Variants in SUGP2 observed in about 807,000 individuals in gnomAD.
SUGP2 encodes SURP and G-patch domain containing 2.
A neutral mutation model predicts 90.5 loss-of-function variants in SUGP2; 24 were observed. The ratio of observed to expected loss-of-function variants is 0.27; its 90% CI spans 0.19 to 0.37. SUGP2 has a LOEUF of 0.37. Ranked by LOEUF, SUGP2 falls within the 10% of genes least tolerant of loss-of-function variation. The pLI is 1.00. For missense variants in SUGP2, 1,233 were observed against 1,363.3 expected (o/e 0.90, Z 1.51); for synonymous variants, 473 against 513.4 (o/e 0.92, Z 1.06).
Position 19,026,196 on chromosome 19 carries a change from G to C in SUGP2, c.152C>G (p.Ala51Gly). 1.9e-6 allele frequency: 3 copies of C among 1,606,060 alleles called. No homozygotes were observed. Among genetic ancestry groups the C allele is most frequent in the Non-Finnish European group, 2.5e-6 (3 of 1,176,536 alleles). The stretch of plus-strand genomic sequence containing the variant: ...GCTGTGGACGTCATCATACATCTCT[G>C]CTCTGGATCTTGGGACTGCCCTTAA... The part of the protein sequence containing the change: ...DLLRAVPRSR[A>G]EMYDDVHSDG... Residue 51 changes from alanine (A) to glycine (G), a missense_variant, in exon 3 of 11, where the codon GCA becomes GGA. By Grantham distance (60) the Ala-to-Gly change is moderately conservative. This residue lies in a region of SUGP2 where 418 missense variants were observed against 399.9 expected (regional missense o/e 1.05). Transcript: ENST00000452918.
rs2059276002 is a variant in SUGP2 at position 19,033,457 on chromosome 19, AGCCACCCCCGCC to A, written c.-44_-33del. Reference sequence around the variant, plus strand: ...CTCACCCCGAGACCACCGCGCGCGGAGCCACCCCCGCCGCCGCCTCAGGCTCCTCACCCGCCG... The same window carrying A: ...CTCACCCCGAGACCACCGCGCGCGGAGCCGCCTCAGGCTCCTCACCCGCCG... On this transcript the variant is annotated 5_prime_UTR_variant, in exon 1 of 11. Coordinates refer to ENST00000452918, the MANE Select transcript of SUGP2 (RefSeq NM_001017392.5). The A allele has an allele frequency of 7.2e-7, 1 of 1,397,208 alleles. No homozygotes were observed. Among genetic ancestry groups the A allele is most frequent in the South Asian group, 1.4e-5 (1 of 73,700 alleles). The allele number at this position is 1,397,208 out of a possible 1,614,324, so 86.6% of individuals were successfully genotyped here.
rs753804470 is a variant in SUGP2, at chr19:19,010,041, G to A, written c.2152C>T (p.Pro718Ser). ...GATGGTTTTGCCTGTGAGAGGCCTGGAGCCTGCCGGCCGTGGTGTTTCAGC... is the reference window on the plus strand; with the variant it reads ...GATGGTTTTGCCTGTGAGAGGCCTGAAGCCTGCCGGCCGTGGTGTTTCAGC... ...TRLKHHGRQAPGLSQAKPSLP... is the reference protein window; with the variant it reads ...TRLKHHGRQASGLSQAKPSLP... Residue 718 changes from proline (P) to serine (S), a missense_variant, in exon 5 of 11, where the codon CCA becomes TCA. Transcript: ENST00000452918. The A allele has an allele frequency of 6.2e-7, 1 of 1,614,060 alleles. No homozygotes were observed. Among genetic ancestry groups the A allele is most frequent in the East Asian group, 2.2e-5 (1 of 44,852 alleles).
At chr19:19,001,324 A>C (rs909646311) in intron 8 of SUGP2, among the ~76,000 whole-genome samples, 1 of 152,054 alleles carries the variant, frequency 6.6e-6, no homozygotes, top group African/African-American at 2.4e-5. Context: ...CCTAGCTTGA[A>C]CTTCTTAAGG....
intron 8 of SUGP2, among the ~76,000 whole-genome samples, chr19:18,996,639 G>A (rs149163990): frequency 0.01 from 1,583 of 152,042 alleles, 31 homozygotes; most frequent in African/African-American, 0.036. Flanking sequence ...TGTAACCTCC[G>A]CCTCCTGGGT....
At chr19:19,020,357 G>A (rs950334226) in intron 3 of SUGP2, among the ~76,000 whole-genome samples, 14 of 150,910 alleles carry the variant, frequency 9.3e-5, no homozygotes, top group African/African-American at 2.4e-4. Flanking sequence ...GCGTGAACCC[G>A]GGAGGTGGAG....
chr19:19,002,505 G>GTTTTTTTTTTT (rs58282570), intron 7 of SUGP2, among the ~76,000 whole-genome samples: 3 of 61,102 alleles, frequency 4.9e-5, no homozygotes, highest in Admixed American at 2.6e-4. Context: ...TAGCAAGTCT[G>GTTTTTTTTTTT]TTTTTTTTTT....
At chr19:19,023,497 A>C (rs899569321) in intron 3 of SUGP2, among the ~76,000 whole-genome samples, 1 of 152,038 alleles carries the variant, frequency 6.6e-6, no homozygotes, top group Non-Finnish European at 1.5e-5. Context: ...CTGGCTCACA[A>C]GTGACTGGTC....
At chr19:19,004,688 T>G (rs757658873) in intron 6 of SUGP2, 42 bp from the exon 7 acceptor site, 4 of 1,468,726 alleles carry the variant, frequency 2.7e-6, no homozygotes, top group Non-Finnish European at 3.7e-6. Flanking sequence ...AGATGGAATC[T>G]CTCAACATTT....
At chr19:18,998,593 T>A (rs1478404584) in intron 8 of SUGP2, among the ~76,000 whole-genome samples, 1 of 145,916 alleles carries the variant, frequency 6.9e-6, no homozygotes, top group East Asian at 1.9e-4. Flanking sequence ...TGTGTATGCA[T>A]GTGTGTGTGC....
At chr19:19,003,934 A>G (rs1265162255) in intron 7 of SUGP2, among the ~76,000 whole-genome samples, 1 of 152,234 alleles carries the variant, frequency 6.6e-6, no homozygotes, top group Non-Finnish European at 1.5e-5. Context: ...GAATCCAGGC[A>G]ATCAGGGAAA....
At chr19:19,001,430 T>C (rs575746925) in intron 8 of SUGP2, among the ~76,000 whole-genome samples, 183 bp downstream of exon 8, 9 of 152,376 alleles carry the variant, frequency 5.9e-5, no homozygotes, top group Non-Finnish European at 8.8e-5. Flanking sequence ...GTCTATGCTT[T>C]GGACAAAGGC....
Position 19,026,106 on chromosome 19 carries a change from C to G in SUGP2, c.242G>C (p.Arg81Thr), listed in dbSNP as rs752394230. 64 of 1,614,168 alleles carry G rather than the reference C, an allele frequency of 4.0e-5. No individual in the cohort carries two copies. In the East Asian group the frequency reaches 1.3e-3, roughly 34 times the overall value. Residue 81 changes from arginine (R) to threonine (T), a missense_variant, in exon 3 of 11, where the codon AGA becomes ACA. Arg to Thr is a moderately conservative substitution (Grantham distance 71). Around this residue, in one of 8 missense-constraint regions of SUGP2, gnomAD observed 418 missense variants for 399.9 expected, o/e 1.05. Transcript: ENST00000452918. ...GGAAGGCCCTGGAAATACGTCACTT[C>G]TCAGGCCTTCTCTTCCGGCATCTCT... is the stretch of plus-strand genomic sequence containing the variant. Reference protein sequence around the residue: ...HSRDAGREGLRSDVFPGPSFR... With the variant: ...HSRDAGREGLTSDVFPGPSFR...
chr19:19,020,049 T>A (rs1599529259), intron 3 of SUGP2, among the ~76,000 whole-genome samples: 4 of 111,158 alleles, frequency 3.6e-5, no homozygotes, highest in Admixed American at 8.8e-5. Context: ...CGAGACTCCA[T>A]CACAAAAAAA....
chr19:19,028,631 C>T (rs2145739459), intron 2 of SUGP2, among the ~76,000 whole-genome samples: 1 of 152,282 alleles, frequency 6.6e-6, no homozygotes, highest in Middle Eastern at 3.4e-3. Flanking sequence ...TGCTTTGCAA[C>T]ACAGAAATGT....
At chr19:19,007,273 T>C (rs919468081) in intron 6 of SUGP2, 1 of 152,272 alleles carries the variant, frequency 6.6e-6, no homozygotes, top group African/African-American at 2.4e-5. Flanking sequence ...TATCCCTGTG[T>C]AGAAGTGCCT....
At chr19:19,010,803 A>G (rs1004426681) in intron 4 of SUGP2, among the ~76,000 whole-genome samples, 2 of 152,214 alleles carry the variant, frequency 1.3e-5, no homozygotes. Flanking sequence ...CCCAGTCATC[A>G]TGATGAGAAC....
chr19:19,000,746 C>T (rs1290968060), intron 8 of SUGP2, among the ~76,000 whole-genome samples: 2 of 150,968 alleles, frequency 1.3e-5, no homozygotes, highest in East Asian at 1.9e-4. Context: ...CTCAGTCTGT[C>T]GCCCAAGCTG....
rs757935670 is a variant in SUGP2 at position 19,024,679 on chromosome 19, TCTC to T, written c.1666_1668del (p.Glu556del). On this transcript the variant is annotated inframe_deletion, in exon 3 of 11. Transcript: ENST00000452918. ...TCAGGTTTCGTAGGAGGAATCATTT[TCTC>T]CTCCTCTCGCATCGGCTCTGGTTCG... 1.7e-5 allele frequency: 28 copies of T among 1,614,184 alleles called. No individual in the cohort carries two copies. The highest frequency in any genetic ancestry group is 2.3e-5 in the Non-Finnish European group (27 of 1,180,038).
Position 19,025,129 on chromosome 19 carries a change from A to C in SUGP2, c.1219T>G (p.Leu407Val). The C allele has an allele frequency of 6.2e-7, 1 of 1,613,328 alleles. No individual in the cohort carries two copies. Among genetic ancestry groups the C allele is most frequent in the Non-Finnish European group, 8.5e-7 (1 of 1,179,862 alleles). ...RVDNEFLNML[L>V]DKGAVKTKNC... ...TTGGTCTTCACAGCACCTTTGTCTA[A>C]AAGCATGTTTAAAAACTCATTATCA... The change falls in exon 3 of 11, where the codon TTA becomes GTA. Residue 407 changes from leucine (L) to valine (V), a missense_variant. Physicochemically the swap from Leu to Val is conservative, Grantham distance 32. Around this residue, in one of 8 missense-constraint regions of SUGP2, gnomAD observed 55 missense variants for 82.0 expected, o/e 0.67. Coordinates refer to ENST00000452918, the MANE Select transcript of SUGP2 (RefSeq NM_001017392.5).
Sources: gnomAD v4.1 joint callset for allele counts (sites outside exome capture counted in the v4.1 genomes callset) on GRCh38, gnomAD v4.1.1 for gene constraint, gnomAD v4.1.1 regional missense constraint, MANE v1.5 for transcripts, NCBI Gene and HGNC (gene_info 2026-07-23, HGNC 2026-07-21) for gene names.